Variants in RAD51 observed in about 807,000 individuals in gnomAD.
The protein encoded by RAD51 is RAD51 recombinase.
RAD51 carries 14 observed loss-of-function variants against 41.5 expected under a neutral mutation model. The ratio of observed to expected loss-of-function variants is 0.34; its 90% CI spans 0.22 to 0.53. The LOEUF (loss-of-function observed/expected upper bound fraction) is 0.53, where lower values mean the gene tolerates loss of function less well. Among genes scored for constraint, RAD51 ranks in the 20% least tolerant of loss-of-function variants. The probability of loss-of-function intolerance (pLI) is 0.95; values close to 1 mark genes in which losing one functional copy is unlikely to be tolerated. For synonymous variants in RAD51, 136 were observed against 148.6 expected, an observed-to-expected ratio of 0.92 and a Z score of 0.62; for missense variants, 234 against 422.0, an observed-to-expected ratio of 0.55 and a Z score of 3.90.
At chr15:40,720,868 G>A (rs1481698738) in intron 6 of RAD51, among the ~76,000 whole-genome samples, 1 of 152,186 alleles carries the variant, frequency 6.6e-6, no homozygotes, top group Non-Finnish European at 1.5e-5. Flanking sequence ...ATCATGGATG[G>A]GAAAACTCAA....
intron 5 of RAD51, among the ~76,000 whole-genome samples, chr15:40,716,625 GGT>G (rs944719362): frequency 2.7e-5 from 4 of 150,034 alleles, no homozygotes; most frequent in African/African-American, 9.8e-5. Flanking sequence ...TGGGATTACA[GGT>G]GTGAGCCCCC....
At chr15:40,709,698 T>G (rs899312452) in intron 5 of RAD51, among the ~76,000 whole-genome samples, 1 of 152,154 alleles carries the variant, frequency 6.6e-6, no homozygotes, top group Non-Finnish European at 1.5e-5. Flanking sequence ...TAGTCTAGAT[T>G]TTATGATTCA....
In RAD51 at chr15:40,712,138, A is replaced by T. The variant is rs980727499; in HGVS notation, c.435+3022A>T. Among the ~76,000 whole-genome samples the T allele has an allele frequency of 3.3e-5, 5 of 152,090 alleles. No homozygotes were observed. In the East Asian group the frequency reaches 7.7e-4, roughly 23 times the overall value. ...GGTTAAGAAGTTTAAACTTGATTTT[A>T]TGAAGAGTAAGCATTAGCTGGTCAG... On this transcript the variant is annotated intron_variant, in intron 5 of 9. Transcript: ENST00000267868.
chr15:40,728,552 T>C (rs1314102182), intron 6 of RAD51, 159 bp from the exon 7 acceptor site: 1 of 743,302 alleles, frequency 1.3e-6, no homozygotes, highest in Non-Finnish European at 2.4e-6. Flanking sequence ...ATAGTTTGCC[T>C]GAACTTCTTA....
intron 1 of RAD51, among the ~76,000 whole-genome samples, chr15:40,696,993 T>TA (rs1264344657): frequency 1.3e-5 from 2 of 152,224 alleles, no homozygotes; most frequent in Non-Finnish European, 2.9e-5. Flanking sequence ...AGCCCTCAGT[T>TA]ATGTTTGTGC....
chr15:40,700,966 G>T, intron 2 of RAD51, 98 bp from the exon 3 acceptor site: 4 of 1,022,394 alleles, frequency 3.9e-6, no homozygotes, highest in East Asian at 3.2e-5. Context: ...TGTATTACAA[G>T]TCTTCAAGCA....
intron 4 of RAD51, among the ~76,000 whole-genome samples, chr15:40,707,790 T>C (rs1463734479): frequency 6.6e-6 from 1 of 152,108 alleles, no homozygotes; most frequent in East Asian, 1.9e-4. Context: ...CAATCTCGGC[T>C]CATTGCAACC....
chr15:40,709,519 G>T (rs184897096), intron 5 of RAD51, among the ~76,000 whole-genome samples: 10 of 151,534 alleles, frequency 6.6e-5, no homozygotes, highest in Admixed American at 6.6e-4. Context: ...GATTACAGGC[G>T]CCCACCAGCA....
chr15:40,729,168 C>T (rs1385925739), intron 7 of RAD51, among the ~76,000 whole-genome samples: 2 of 151,796 alleles, frequency 1.3e-5, no homozygotes, highest in African/African-American at 4.8e-5. Flanking sequence ...GTCAGGAGAT[C>T]GAGAACATCC....
chr15:40,731,402 G>C lies in RAD51; in HGVS notation c.*224G>C, dbSNP rs2141887785. 1 of 556,186 alleles carries C rather than the reference G, an allele frequency of 1.8e-6. No individual in the cohort carries two copies. Among genetic ancestry groups the C allele is most frequent in the South Asian group, 2.1e-5 (1 of 47,044 alleles). 34.5% of individuals were successfully genotyped at this position (556,186 alleles called of 1,614,324 possible). On this transcript the variant is annotated 3_prime_UTR_variant, in exon 10 of 10. Transcript: ENST00000267868. Reference sequence around the variant, plus strand: ...TTCCTTCTGTAGTGTATTAATCTCTGTGTGTTTTCTTTGGTTTTGGAGGAG... The same window carrying C: ...TTCCTTCTGTAGTGTATTAATCTCTCTGTGTTTTCTTTGGTTTTGGAGGAG...
chr15:40,697,354 T>C (rs1023336872), intron 1 of RAD51, among the ~76,000 whole-genome samples: 3 of 152,188 alleles, frequency 2.0e-5, no homozygotes, highest in South Asian at 2.1e-4. Context: ...TCTGCCCGCC[T>C]TGGCCTCCCA....
At chr15:40,724,674 CTTTTTTTTTTT>C (rs869156620) in intron 6 of RAD51, among the ~76,000 whole-genome samples, 7 of 94,346 alleles carry the variant, frequency 7.4e-5, no homozygotes, top group African/African-American at 3.1e-4. Context: ...TTTTTTATTT[CTTTTTTTTTTT>C]TTTTTTTTTT....
intron 6 of RAD51, among the ~76,000 whole-genome samples, chr15:40,727,811 G>A (rs925497038): frequency 2.0e-5 from 3 of 151,098 alleles, no homozygotes; most frequent in African/African-American, 4.9e-5. Flanking sequence ...TGACAGAATC[G>A]TGAACCTAGA....
At chr15:40,699,225 C>A (rs953279218) in intron 2 of RAD51, among the ~76,000 whole-genome samples, 2 of 152,166 alleles carry the variant, frequency 1.3e-5, no homozygotes, top group South Asian at 4.1e-4. Context: ...CTCACCGCAA[C>A]CTCTGCGTCC....
At chr15:40,719,909 C>G (rs973137986) in intron 6 of RAD51, among the ~76,000 whole-genome samples, 1 of 151,726 alleles carries the variant, frequency 6.6e-6, no homozygotes, top group Non-Finnish European at 1.5e-5. Context: ...GAAGATATAA[C>G]AGTTGTAAAG....
chr15:40,712,493 A>C (rs1287026739), intron 5 of RAD51, among the ~76,000 whole-genome samples: 1 of 152,166 alleles, frequency 6.6e-6, no homozygotes, highest in Non-Finnish European at 1.5e-5. Flanking sequence ...GAAAGCTAAC[A>C]AACTTTCATC....
chr15:40,703,104 C>T (rs1370054773), intron 3 of RAD51, among the ~76,000 whole-genome samples: 1 of 152,204 alleles, frequency 6.6e-6, no homozygotes, highest in African/African-American at 2.4e-5. Flanking sequence ...ATCACATCTA[C>T]TTGTACTATA....
chr15:40,729,034 A>G (rs1014252708), intron 7 of RAD51, among the ~76,000 whole-genome samples: 1 of 152,178 alleles, frequency 6.6e-6, no homozygotes, highest in Non-Finnish European at 1.5e-5. Flanking sequence ...AAATCTTGTT[A>G]AACGGTGCCT....
intron 5 of RAD51, among the ~76,000 whole-genome samples, chr15:40,710,347 C>A (rs1039080590): frequency 1.6e-5 from 2 of 127,620 alleles, no homozygotes; most frequent in Non-Finnish European, 3.3e-5. Flanking sequence ...ACTAAAAATA[C>A]AAAAATTAGC....
Sources: gnomAD v4.1 joint callset for allele counts (sites outside exome capture counted in the v4.1 genomes callset) on GRCh38, gnomAD v4.1.1 for gene constraint, MANE v1.5 for transcripts, NCBI Gene and HGNC (gene_info 2026-07-23, HGNC 2026-07-21) for gene names.